Variants in SPAG16 observed in about 807,000 individuals in gnomAD.
SPAG16 encodes the protein sperm associated antigen 16.
Under a neutral mutation model 80.4 loss-of-function variants are expected in SPAG16, and 86 were observed. The ratio of observed to expected loss-of-function variants is 1.07; its 90% CI spans 0.90 to 1.28. SPAG16 has a LOEUF of 1.28. SPAG16 is among the 50% of genes most tolerant of loss of function. The pLI, the probability that SPAG16 is intolerant of heterozygous loss-of-function variation, is 0.00. For missense variants in SPAG16, 870 were observed against 765.3 expected, an observed-to-expected ratio of 1.14 and a Z score of -1.61; for synonymous variants, 294 against 265.9, an observed-to-expected ratio of 1.11 and a Z score of -1.03.
intron 13 of SPAG16, among the ~76,000 whole-genome samples, chr2:214,101,102 TA>T (rs2052986047): frequency 1.5e-5 from 2 of 135,044 alleles, no homozygotes; most frequent in Admixed American, 1.5e-4. Flanking sequence ...TTAAGAGTTT[TA>T]AAGGTTTTTT....
At chr2:214,313,580 T>C (rs936882123) in intron 15 of SPAG16, among the ~76,000 whole-genome samples, 1 of 152,150 alleles carries the variant, frequency 6.6e-6, no homozygotes, top group African/African-American at 2.4e-5. Context: ...ATAAATATTA[T>C]CTAGTTTGAA....
At chr2:213,884,090 G>A (rs1247330028) in intron 11 of SPAG16, among the ~76,000 whole-genome samples, 2 of 152,226 alleles carry the variant, frequency 1.3e-5, no homozygotes, top group Admixed American at 1.3e-4. Flanking sequence ...TTGTGTGATT[G>A]TTTCCTAGTG....
At chr2:213,617,362 C>T (rs181429535) in intron 10 of SPAG16, among the ~76,000 whole-genome samples, 1 of 152,182 alleles carries the variant, frequency 6.6e-6, no homozygotes, top group Admixed American at 6.5e-5. Flanking sequence ...CCCTTGAGGC[C>T]AGGAGTTTGA....
intron 10 of SPAG16, among the ~76,000 whole-genome samples, chr2:213,730,237 C>G (rs1448627302): frequency 6.6e-6 from 1 of 152,146 alleles, no homozygotes; most frequent in Non-Finnish European, 1.5e-5. Flanking sequence ...TAGGGAAAGA[C>G]TCAGTTAAGG....
At chr2:214,038,405 CA>C (rs1190844448) in intron 13 of SPAG16, among the ~76,000 whole-genome samples, 1 of 150,856 alleles carries the variant, frequency 6.6e-6, no homozygotes, top group African/African-American at 2.4e-5. Context: ...ATATAACACA[CA>C]CTATGTAGCA....
Position 213,422,295 on chromosome 2 carries a change from G to A in SPAG16, c.942+47176G>A, listed in dbSNP as rs758279157. 12 of 702,064 alleles carry A rather than the reference G, an allele frequency of 1.7e-5. No homozygotes were observed. The South Asian group carries it at 1.8e-4, about 10-fold the overall frequency. The allele number at this position is 702,064 out of a possible 1,614,324, so 43.5% of individuals were successfully genotyped here. A position where few individuals can be genotyped will look rare whatever the true frequency, so the allele number is the denominator to read the frequency against. On this transcript the variant is annotated intron_variant, in intron 9 of 15. Transcript: ENST00000331683. ...TCTCATCCAGATTTGGGTGCCCACA[G>A]CAGAAGTTGCTTGGAGTGCATCTGA...
At chr2:213,707,753 G>A (rs6740402) in intron 10 of SPAG16, among the ~76,000 whole-genome samples, 3,549 of 149,448 alleles carry the variant, frequency 0.024, 144 homozygotes, top group African/African-American at 0.085. Flanking sequence ...TTTCTAAGGT[G>A]ATGGAAAAAA....
chr2:213,308,849 G>C (rs560582095), intron 3 of SPAG16, among the ~76,000 whole-genome samples: 1 of 152,172 alleles, frequency 6.6e-6, no homozygotes, highest in Non-Finnish European at 1.5e-5. Context: ...ATGTGGCTCA[G>C]GCCACATAGT....
rs186369146 is a variant in SPAG16 at position 213,906,861 on chromosome 2, C to A, written c.1215-23099C>A. On this transcript the variant is annotated intron_variant, in intron 11 of 15. Coordinates refer to ENST00000331683, the MANE Select transcript of SPAG16 (RefSeq NM_024532.5). ...ATCTCACCACATATAAAAATCAACTCAAAATGGATTAAAGGCTTAAATATA... is the reference window on the plus strand; with the variant it reads ...ATCTCACCACATATAAAAATCAACTAAAAATGGATTAAAGGCTTAAATATA... Among the ~76,000 whole-genome samples the A allele has an allele frequency of 3.2e-3, 493 of 152,180 alleles. 1 individual carries two copies. Among genetic ancestry groups the A allele is most frequent in the Non-Finnish European group, 4.3e-3 (295 of 67,982 alleles).
intron 15 of SPAG16, among the ~76,000 whole-genome samples, chr2:214,341,907 G>GTA (rs1193806960): frequency 1.1e-4 from 17 of 152,070 alleles, no homozygotes; most frequent in Admixed American, 9.8e-4. Context: ...CAAGTTCCAA[G>GTA]GTCTAAGGGC....
intron 13 of SPAG16, among the ~76,000 whole-genome samples, chr2:214,019,033 T>TA (rs2124993499): frequency 6.6e-6 from 1 of 151,882 alleles, no homozygotes; most frequent in African/African-American, 2.4e-5. Flanking sequence ...CTCATGAAAT[T>TA]GCTCAGTTTT....
At chr2:213,361,325 T>G (rs1438309801) in intron 7 of SPAG16, among the ~76,000 whole-genome samples, 2 of 151,602 alleles carry the variant, frequency 1.3e-5, no homozygotes. Flanking sequence ...ATATTTTATC[T>G]TTTTTAGATC....
intron 10 of SPAG16, among the ~76,000 whole-genome samples, chr2:213,671,330 A>C (rs1458254752): frequency 6.6e-6 from 1 of 152,202 alleles, no homozygotes; most frequent in Admixed American, 6.5e-5. Context: ...AGGTTCAGTA[A>C]AGTGAGGTCC....
At chr2:213,713,866 G>A (rs762124799) in intron 10 of SPAG16, among the ~76,000 whole-genome samples, 1 of 152,162 alleles carries the variant, frequency 6.6e-6, no homozygotes, top group Non-Finnish European at 1.5e-5. Context: ...CAGGAAAGAA[G>A]CTGTTGAAAG....
intron 10 of SPAG16, among the ~76,000 whole-genome samples, chr2:213,748,185 T>C (rs1185583493): frequency 6.6e-6 from 1 of 152,188 alleles, no homozygotes; most frequent in African/African-American, 2.4e-5. Flanking sequence ...TTCATGAATT[T>C]CAGGTTACGA....
intron 5 of SPAG16, among the ~76,000 whole-genome samples, chr2:213,321,145 ATAAT>A (rs2063593080): frequency 6.6e-6 from 1 of 152,060 alleles, no homozygotes; most frequent in Non-Finnish European, 1.5e-5. Flanking sequence ...TTTTCTAATA[ATAAT>A]TTTTAATACA....
chr2:213,775,683 G>A (rs1418511798), intron 10 of SPAG16, among the ~76,000 whole-genome samples: 1 of 152,124 alleles, frequency 6.6e-6, no homozygotes, highest in Non-Finnish European at 1.5e-5. Flanking sequence ...GCTTTTATGA[G>A]TTTGGCTATT....
chr2:213,992,242 C>A (rs1360548030), intron 12 of SPAG16, among the ~76,000 whole-genome samples: 15 of 152,042 alleles, frequency 9.9e-5, no homozygotes, highest in Non-Finnish European at 2.9e-5. Flanking sequence ...AGAACCTTAC[C>A]GAGAATTGTT....
At chr2:214,012,275 TA>T (rs1559689604) in intron 12 of SPAG16, among the ~76,000 whole-genome samples, 33 of 50,358 alleles carry the variant, frequency 6.6e-4, no homozygotes, top group East Asian at 4.2e-3. Context: ...TATATATATA[TA>T]TATATATATA....
Sources: gnomAD v4.1 joint callset for allele counts (sites outside exome capture counted in the v4.1 genomes callset) on GRCh38, gnomAD v4.1.1 for gene constraint, MANE v1.5 for transcripts, NCBI Gene and HGNC (gene_info 2026-07-23, HGNC 2026-07-21) for gene names.